HDAC9: variants seen among roughly 807,000 people sequenced by gnomAD.
HDAC9 encodes the protein histone deacetylase 9.
In HDAC9, 41 loss-of-function variants were observed where a neutral mutation model predicts 139.4. The ratio of observed to expected loss-of-function variants is 0.29; its 90% CI spans 0.23 to 0.38. The LOEUF (loss-of-function observed/expected upper bound fraction) is 0.38, where lower values mean the gene tolerates loss of function less well. Ranked by LOEUF, HDAC9 falls within the 10% of genes least tolerant of loss-of-function variation. HDAC9 has a pLI of 1.00. For synonymous variants in HDAC9, 517 were observed against 476.2 expected (o/e 1.09, Z -1.12); for missense variants, 1,147 against 1,297.0 (o/e 0.88, Z 1.78).
At chr7:18,945,156 C>T (rs577806498) in intron 23 of HDAC9, among the ~76,000 whole-genome samples, 2 of 152,306 alleles carry the variant, frequency 1.3e-5, no homozygotes, top group African/African-American at 4.8e-5. Flanking sequence ...CAGTGGCATA[C>T]AAGTGTTTAC....
At chr7:18,898,618 C>T (rs1273274330) in intron 22 of HDAC9, among the ~76,000 whole-genome samples, 1 of 151,792 alleles carries the variant, frequency 6.6e-6, no homozygotes, top group Non-Finnish European at 1.5e-5. Flanking sequence ...GGTATGTACT[C>T]AGAGAAAGGG....
intron 1 of HDAC9, among the ~76,000 whole-genome samples, chr7:18,314,435 C>A (rs1799509089): frequency 6.6e-6 from 1 of 152,160 alleles, no homozygotes; most frequent in Non-Finnish European, 1.5e-5. Flanking sequence ...GTGTGAGAAT[C>A]CTGCTATTAA....
intron 1 of HDAC9, among the ~76,000 whole-genome samples, chr7:18,301,435 G>T (rs1483162574): frequency 6.6e-6 from 1 of 151,966 alleles, no homozygotes; most frequent in Non-Finnish European, 1.5e-5. Flanking sequence ...ATACATTATA[G>T]ATTTTTTTTT....
At chr7:18,161,747 T>G (rs112212988) in intron 1 of HDAC9, among the ~76,000 whole-genome samples, 1 of 152,202 alleles carries the variant, frequency 6.6e-6, no homozygotes, top group Non-Finnish European at 1.5e-5. Context: ...GTCACTCTTA[T>G]AGTTTATGGC....
chr7:18,314,239 A>G (rs990590163), intron 1 of HDAC9, among the ~76,000 whole-genome samples: 1 of 152,182 alleles, frequency 6.6e-6, no homozygotes, highest in African/African-American at 2.4e-5. Flanking sequence ...AGATAGTAAT[A>G]AGCCTGCCTT....
intron 22 of HDAC9, among the ~76,000 whole-genome samples, chr7:18,879,237 A>G (rs558902218): frequency 6.6e-6 from 1 of 152,300 alleles, no homozygotes; most frequent in East Asian, 1.9e-4. Context: ...GCACTGCCCA[A>G]AGCAATTTAC....
At chr7:18,184,205 C>G (rs2128143424) in intron 2 of HDAC9, among the ~76,000 whole-genome samples, 1 of 152,214 alleles carries the variant, frequency 6.6e-6, no homozygotes, top group African/African-American at 2.4e-5. Context: ...TCGAGACCCG[C>G]CTGACCAACA....
At chr7:18,402,173 G>C (rs1266586660) in intron 1 of HDAC9, among the ~76,000 whole-genome samples, 10 of 152,144 alleles carry the variant, frequency 6.6e-5, no homozygotes, top group Admixed American at 5.2e-4. Flanking sequence ...TTATATCCCT[G>C]TTCTTCAGTT....
At chr7:18,355,843 T>C (rs1783216874) in intron 1 of HDAC9, among the ~76,000 whole-genome samples, 1 of 152,146 alleles carries the variant, frequency 6.6e-6, no homozygotes, top group African/African-American at 2.4e-5. Flanking sequence ...TAAACTTCTC[T>C]GTTTTAAAAA....
intron 12 of HDAC9, among the ~76,000 whole-genome samples, chr7:18,679,406 A>G (rs1025616689): frequency 6.6e-6 from 1 of 151,938 alleles, no homozygotes; most frequent in Admixed American, 6.6e-5. Flanking sequence ...AAACAATAAT[A>G]CAATCTAGTT....
At chr7:18,750,409 G>C (rs1308519930) in intron 14 of HDAC9, among the ~76,000 whole-genome samples, 1 of 152,068 alleles carries the variant, frequency 6.6e-6, no homozygotes, top group Admixed American at 6.6e-5. Context: ...ACAACACCAT[G>C]TACAGATTTA....
intron 12 of HDAC9, among the ~76,000 whole-genome samples, chr7:18,721,832 C>A (rs1034656751): frequency 1.3e-5 from 2 of 152,158 alleles, no homozygotes; most frequent in East Asian, 1.9e-4. Context: ...ACTTCGTAGT[C>A]TCCATTAGCA....
chr7:18,745,703 C>G (rs1465673838), intron 13 of HDAC9, among the ~76,000 whole-genome samples: 1 of 150,848 alleles, frequency 6.6e-6, no homozygotes, highest in Non-Finnish European at 1.5e-5. Context: ...CCCGCCACCA[C>G]GCCTGGCTAA....
intron 2 of HDAC9, among the ~76,000 whole-genome samples, chr7:18,567,801 T>G (rs2704296): frequency 0.51 from 77,838 of 151,284 alleles, 20,815 homozygotes; most frequent in South Asian, 0.59. Context: ...ACTTGTAGTA[T>G]TATTATTGCA....
intron 2 of HDAC9, among the ~76,000 whole-genome samples, chr7:18,549,996 C>T (rs1320290239): frequency 1.3e-5 from 2 of 150,838 alleles, no homozygotes; most frequent in East Asian, 1.9e-4. Flanking sequence ...CTTAGGAATG[C>T]CTTCATTTTT....
chr7:18,842,825 G>A (rs1023585793), intron 21 of HDAC9, among the ~76,000 whole-genome samples: 4 of 151,986 alleles, frequency 2.6e-5, no homozygotes, highest in African/African-American at 9.7e-5. Flanking sequence ...TGTCTTCCTA[G>A]GGAAACTTGC....
chr7:18,906,026 T>C (rs918886439), intron 22 of HDAC9, among the ~76,000 whole-genome samples: 1 of 151,690 alleles, frequency 6.6e-6, no homozygotes, highest in African/African-American at 2.4e-5. Flanking sequence ...CTTTTTGCTT[T>C]CTTTCTCTCT....
intron 11 of HDAC9, among the ~76,000 whole-genome samples, chr7:18,656,304 A>C (rs892041236): frequency 6.6e-6 from 1 of 152,146 alleles, no homozygotes; most frequent in African/African-American, 2.4e-5. Flanking sequence ...GTCCTGCAAC[A>C]GTCTCCGGTC....
intron 1 of HDAC9, among the ~76,000 whole-genome samples, chr7:18,299,647 G>C (rs1354487222): frequency 1.3e-5 from 2 of 152,190 alleles, no homozygotes; most frequent in Non-Finnish European, 2.9e-5. Context: ...GGTTATCATT[G>C]AATGAAATGC....
Sources: gnomAD v4.1 joint callset for allele counts (sites outside exome capture counted in the v4.1 genomes callset) on GRCh38, gnomAD v4.1.1 for gene constraint, MANE v1.5 for transcripts, NCBI Gene and HGNC (gene_info 2026-07-23, HGNC 2026-07-21) for gene names.